The following ARFGAP3 variants were observed in gnomAD, a reference collection of about 807,000 sequenced individuals.
The protein encoded by ARFGAP3 is ARF GTPase activating protein 3.
ARFGAP3 carries 72 observed loss-of-function variants against 75.0 expected under a neutral mutation model. The observed-to-expected ratio is 0.96, with a 90% CI of 0.79 to 1.17. The LOEUF (loss-of-function observed/expected upper bound fraction) is 1.17, where lower values mean the gene tolerates loss of function less well. Ranked by LOEUF, ARFGAP3 falls within the 50% of genes most tolerant of loss-of-function variation. The pLI is 0.00. For missense variants in ARFGAP3, 620 were observed against 626.6 expected (o/e 0.99, Z 0.11); for synonymous variants, 221 against 217.9 (o/e 1.01, Z -0.13).
rs182770873 is a variant in ARFGAP3, at chr22:42,856,373, C to T, written c.69+741G>A. 6.6e-5 allele frequency among the ~76,000 whole-genome samples: 10 copies of T among 152,336 alleles called. No homozygotes were observed. The East Asian group carries it at 1.7e-3, about 26-fold the overall frequency. On this transcript the variant is annotated intron_variant, in intron 1 of 15. Coordinates refer to ENST00000263245, the MANE Select transcript of ARFGAP3 (RefSeq NM_014570.5). ...GCGGGGAGAGCCCACGCTGACGCGA[C>T]AGCCCTTTGCACTCTCCAAGTCCCT...
intron 9 of ARFGAP3, 148 bp from the exon 10 acceptor site, chr22:42,818,005 T>G: frequency 8.9e-7 from 1 of 1,129,578 alleles, no homozygotes. Context: ...TGGTGTTTTT[T>G]CTACCTGCCT....
intron 1 of ARFGAP3, among the ~76,000 whole-genome samples, chr22:42,854,060 A>G (rs117651913): frequency 6.6e-6 from 1 of 152,238 alleles, no homozygotes; most frequent in Admixed American, 6.5e-5. Flanking sequence ...GATCCCATGC[A>G]GTCTGTTCCC....
intron 14 of ARFGAP3, among the ~76,000 whole-genome samples, chr22:42,799,926 C>T (rs867905582): frequency 6.6e-6 from 1 of 152,146 alleles, no homozygotes; most frequent in Non-Finnish European, 1.5e-5. Flanking sequence ...TTGCTAGGGC[C>T]GGTGTTAGTG....
intron 11 of ARFGAP3, among the ~76,000 whole-genome samples, chr22:42,812,578 G>A (rs1925415974): frequency 6.6e-6 from 1 of 152,194 alleles, no homozygotes. Flanking sequence ...GAACCCATAA[G>A]AGCAAAGAGG....
chr22:42,847,310 T>G (rs1927065332), intron 2 of ARFGAP3: 2 of 494,950 alleles, frequency 4.0e-6, no homozygotes, highest in African/African-American at 2.0e-5. Flanking sequence ...AGGACTAGAG[T>G]TATACATCAT....
chr22:42,806,961 G>A lies in ARFGAP3; in HGVS notation c.1411+112C>T, dbSNP rs1925150434. The A allele has an allele frequency of 5.5e-6, 6 of 1,090,052 alleles. No homozygotes were observed. In the Admixed American group the frequency reaches 1.2e-4, roughly 23 times the overall value. 67.5% of individuals were successfully genotyped at this position (1,090,052 alleles called of 1,614,324 possible). A position where few individuals can be genotyped will look rare whatever the true frequency, so the allele number is the denominator to read the frequency against. The stretch of plus-strand genomic sequence containing the variant: ...TACCTGACTTATAGCAGAGATCAGA[G>A]CATCGAATAATGGTTGCTAAAATAT... On this transcript the variant is annotated intron_variant, in intron 14 of 15. Coordinates refer to ENST00000263245, the MANE Select transcript of ARFGAP3 (RefSeq NM_014570.5).
chr22:42,842,401 G>A (rs1201499522), intron 2 of ARFGAP3, among the ~76,000 whole-genome samples: 2 of 147,188 alleles, frequency 1.4e-5, no homozygotes, highest in Non-Finnish European at 3.0e-5. Flanking sequence ...TCCCACCTCA[G>A]CCTCTCAGTG....
rs1047068283 is a variant in ARFGAP3, at chr22:42,828,107, AAACCCCATATCT to A, written c.566-1120_566-1109del. 6.2e-3 allele frequency among the ~76,000 whole-genome samples: 946 copies of A among 152,144 alleles called. 5 individuals carry two copies. The highest frequency in any genetic ancestry group is 0.015 in the Admixed American group (228 of 15,286). ...TGAGACCAGCCTGACCAACATGGTG[AAACCCCATATCT>A]ACTAAAAAATACAAAGATGAGGGCC... is the stretch of plus-strand genomic sequence containing the variant. On this transcript the variant is annotated intron_variant, in intron 6 of 15. Transcript: ENST00000263245.
At chr22:42,822,720 T>C (rs1488886376) in intron 8 of ARFGAP3, among the ~76,000 whole-genome samples, 1 of 152,234 alleles carries the variant, frequency 6.6e-6, no homozygotes, top group African/African-American at 2.4e-5. Context: ...AGATTACTTA[T>C]TATGCCTAAA....
intron 14 of ARFGAP3, among the ~76,000 whole-genome samples, chr22:42,804,558 T>C (rs752902906): frequency 8.6e-5 from 13 of 152,000 alleles, no homozygotes; most frequent in Non-Finnish European, 1.9e-4. Context: ...GTTTTTGTAT[T>C]TTTAGTAGAG....
chr22:42,798,972 G>A, intron 15 of ARFGAP3, 67 bp downstream of exon 15: 1 of 1,302,480 alleles, frequency 7.7e-7, no homozygotes, highest in African/African-American at 1.5e-5. Flanking sequence ...GAAGATTGAA[G>A]CAGGTCTCAT....
chr22:42,801,908 A>C (rs1924879358), intron 14 of ARFGAP3, among the ~76,000 whole-genome samples: 1 of 152,114 alleles, frequency 6.6e-6, no homozygotes, highest in African/African-American at 2.4e-5. Flanking sequence ...GTCTGGGGGA[A>C]TGGGGAAGAA....
At position 42,810,859 on chromosome 22, in the gene ARFGAP3, T is replaced by C. The variant is rs767980110; in HGVS notation, c.1150A>G (p.Ser384Gly). 4 of 1,614,136 alleles carry C rather than the reference T, an allele frequency of 2.5e-6. No individual in the cohort carries two copies. Among genetic ancestry groups the C allele is most frequent in the Non-Finnish European group, 3.4e-6 (4 of 1,180,056 alleles). Residue 384 changes from serine to glycine, a missense_variant, in exon 12 of 16, where the codon AGC becomes GGC. By Grantham distance (56) the Ser-to-Gly change is moderately conservative. Transcript: ENST00000263245. ...TTCAGAACTGTTTCAGTATCTTTGCTGGTCTCTTTTTTCCAATAGGAATCT... is the reference window on the plus strand; with the variant it reads ...TTCAGAACTGTTTCAGTATCTTTGCCGGTCTCTTTTTTCCAATAGGAATCT... ...SSDSYWKKET[S>G]KDTETVLKTT... is the part of the protein sequence containing the mutation.
chr22:42,835,073 A>G (rs771494753), intron 4 of ARFGAP3, among the ~76,000 whole-genome samples: 2 of 152,256 alleles, frequency 1.3e-5, no homozygotes, highest in Non-Finnish European at 2.9e-5. Flanking sequence ...GTCTTTAAAT[A>G]GAAACACATG....
At chr22:42,797,652 C>A (rs373668873) in intron 15 of ARFGAP3, 47 bp from the exon 16 acceptor site, 156 of 1,613,834 alleles carry the variant, frequency 9.7e-5, no homozygotes, top group Middle Eastern at 1.6e-4. Flanking sequence ...CAGCAGCGAT[C>A]CCTGACTCCC....
intron 5 of ARFGAP3, among the ~76,000 whole-genome samples, chr22:42,833,220 C>G (rs918658530): frequency 2.6e-5 from 4 of 152,154 alleles, no homozygotes; most frequent in Admixed American, 6.5e-5. Context: ...TGCATTAACT[C>G]ATCCAATAGC....
At chr22:42,838,736 G>A (rs1926647853) in intron 3 of ARFGAP3, among the ~76,000 whole-genome samples, 1 of 152,144 alleles carries the variant, frequency 6.6e-6, no homozygotes, top group Non-Finnish European at 1.5e-5. Flanking sequence ...GATTTGGCTG[G>A]CTAGATTTGT....
intron 5 of ARFGAP3, among the ~76,000 whole-genome samples, chr22:42,832,593 A>G (rs374138809): frequency 3.9e-4 from 60 of 152,300 alleles, no homozygotes; most frequent in Admixed American, 1.1e-3. Flanking sequence ...CAAGAGTTCA[A>G]CAAATCGTGC....
intron 13 of ARFGAP3, 151 bp downstream of exon 13, chr22:42,808,616 C>G: frequency 3.5e-6 from 2 of 571,070 alleles, no homozygotes; most frequent in Admixed American, 2.9e-5. Flanking sequence ...TTATACAGAC[C>G]TGGGTTCAAG....
Sources: allele counts gnomAD v4.1 joint callset (sites outside exome capture counted in the v4.1 genomes callset), GRCh38; gene constraint gnomAD v4.1.1; transcripts MANE v1.5; gene names NCBI Gene and HGNC (gene_info 2026-07-23, HGNC 2026-07-21).